Variants in RTTN observed in about 807,000 individuals in gnomAD.
RTTN encodes the protein rotatin.
A neutral mutation model predicts 269.2 loss-of-function variants in RTTN; 182 were observed. The observed-to-expected ratio is 0.68, with a 90% confidence interval of 0.60 to 0.76. RTTN has a LOEUF of 0.76. RTTN is among the 30% of genes least tolerant of loss of function. RTTN has a pLI of 0.00. For synonymous variants in RTTN, 1,006 were observed against 963.5 expected, an observed-to-expected ratio of 1.04 and a Z score of -0.82; for missense variants, 2,545 against 2,608.6, an observed-to-expected ratio of 0.98 and a Z score of 0.53.
chr18:70,029,969 A>T (rs1356787405), intron 42 of RTTN, 43 bp downstream of exon 42: 1 of 1,390,324 alleles, frequency 7.2e-7, no homozygotes, highest in South Asian at 1.2e-5. Flanking sequence ...AGGACTGGAG[A>T]ATGGTCTCTA....
At chr18:70,187,465 T>C (rs749883771) in intron 10 of RTTN, among the ~76,000 whole-genome samples, 3 of 152,070 alleles carry the variant, frequency 2.0e-5, no homozygotes, top group Non-Finnish European at 4.4e-5. Flanking sequence ...GAGAGAGGCA[T>C]CTCTGAGCTA....
intron 26 of RTTN, among the ~76,000 whole-genome samples, chr18:70,115,913 T>C (rs1283372927): frequency 1.3e-5 from 2 of 152,020 alleles, no homozygotes; most frequent in African/African-American, 2.4e-5. Flanking sequence ...ATAATATAAC[T>C]GAGAGCTTTT....
At chr18:70,064,687 G>A (rs1406451595) in intron 35 of RTTN, among the ~76,000 whole-genome samples, 1 of 152,174 alleles carries the variant, frequency 6.6e-6, no homozygotes, top group African/African-American at 2.4e-5. Flanking sequence ...CAAGAATGGG[G>A]GAGACAGGGA....
In RTTN at chr18:70,030,233, T is replaced by C. The variant is rs116226189; in HGVS notation, c.5648-124A>G. 2.1e-3 allele frequency: 1,331 copies of C among 622,858 alleles called. 14 individuals are homozygous for C. The African/African-American group carries it at 0.023, about 11-fold the overall frequency. The allele number at this position is 622,858 out of a possible 1,614,324, so 38.6% of individuals were successfully genotyped here. ...ATTTCTGACCCACTTCATTTTAGAA[T>C]TTTCAGTCAGAGATTAATGAATCAG... On this transcript the variant is annotated intron_variant, in intron 41 of 48. Coordinates refer to ENST00000640769, the MANE Select transcript of RTTN (RefSeq NM_173630.4).
At chr18:70,011,636 T>C (rs1001210249) in intron 46 of RTTN, among the ~76,000 whole-genome samples, 5 of 152,356 alleles carry the variant, frequency 3.3e-5, no homozygotes, top group Middle Eastern at 6.8e-3. Context: ...AATATCACAC[T>C]GAATGGGCAA....
At chr18:70,199,553 C>T in intron 4 of RTTN, 49 bp from the exon 5 acceptor site, 2 of 1,270,318 alleles carry the variant, frequency 1.6e-6, no homozygotes, top group South Asian at 1.2e-5. Flanking sequence ...AAAGAGATGA[C>T]AGATTCACAA....
chr18:70,086,488 T>C, intron 32 of RTTN, 125 bp downstream of exon 32: 1 of 812,502 alleles, frequency 1.2e-6, no homozygotes, highest in South Asian at 1.6e-5. Context: ...TACGTTCTAT[T>C]TTAAGAGGCC....
At chr18:70,016,948 C>T (rs529619254) in intron 46 of RTTN, among the ~76,000 whole-genome samples, 19 of 151,908 alleles carry the variant, frequency 1.3e-4, no homozygotes, top group African/African-American at 3.9e-4. Flanking sequence ...GATAATACTA[C>T]GGAGGGAAAC....
intron 19 of RTTN, 84 bp downstream of exon 19, chr18:70,142,204 G>T: frequency 1.2e-6 from 1 of 855,426 alleles, no homozygotes; most frequent in East Asian, 2.5e-5. Context: ...ATAAACCATA[G>T]TTGCCAACTC....
intron 4 of RTTN, among the ~76,000 whole-genome samples, chr18:70,201,563 C>G (rs1325651101): frequency 2.1e-5 from 3 of 140,218 alleles, no homozygotes; most frequent in Non-Finnish European, 3.1e-5. Flanking sequence ...AGCCGAGATC[C>G]CACCACTGCA....
intron 44 of RTTN, among the ~76,000 whole-genome samples, chr18:70,021,473 G>A (rs2056703086): frequency 6.6e-6 from 1 of 152,192 alleles, no homozygotes; most frequent in Non-Finnish European, 1.5e-5. Context: ...TAATTGACTT[G>A]TGAAAGTTCA....
chr18:70,140,021 A>T, intron 20 of RTTN, 79 bp downstream of exon 20: 1 of 968,380 alleles, frequency 1.0e-6, no homozygotes. Context: ...GTACTCATCC[A>T]AATTCTGCTC....
chr18:70,174,004 G>C (rs990417454), intron 11 of RTTN, among the ~76,000 whole-genome samples: 2 of 152,074 alleles, frequency 1.3e-5, no homozygotes, highest in African/African-American at 2.4e-5. Flanking sequence ...GGAGAAGGAG[G>C]GAGAGGTAAC....
intron 28 of RTTN, among the ~76,000 whole-genome samples, chr18:70,099,734 A>C (rs573612149): frequency 6.6e-6 from 1 of 152,164 alleles, no homozygotes; most frequent in Non-Finnish European, 1.5e-5. Context: ...TAAGTCTTTA[A>C]TCCATCTTGA....
At chr18:70,067,285 G>A (rs12956411) in intron 34 of RTTN, among the ~76,000 whole-genome samples, 101,471 of 144,338 alleles carry the variant, frequency 0.7, 41,584 homozygotes, top group East Asian at 0.99. Flanking sequence ...TCAGCCTCCC[G>A]AGTAGCTGGG....
intron 43 of RTTN, among the ~76,000 whole-genome samples, chr18:70,026,512 G>T (rs949188832): frequency 1.6e-4 from 25 of 152,064 alleles, no homozygotes; most frequent in African/African-American, 6.0e-4. Context: ...TTCTTGTCAT[G>T]ATTGGAAGTT....
chr18:70,040,600 T>G (rs1003425156), intron 40 of RTTN, among the ~76,000 whole-genome samples: 1 of 152,230 alleles, frequency 6.6e-6, no homozygotes, highest in South Asian at 2.1e-4. Flanking sequence ...ACACTGGATT[T>G]AATCTGCACT....
At chr18:70,076,320 GA>G (rs1714614916) in intron 32 of RTTN, among the ~76,000 whole-genome samples, 1 of 151,952 alleles carries the variant, frequency 6.6e-6, no homozygotes, top group Admixed American at 6.6e-5. Flanking sequence ...GGCCATAAGA[GA>G]GAGAAAAATA....
rs912926672 is a variant in RTTN at position 70,005,376 on chromosome 18, A to G, written c.6526-109T>C. The G allele has an allele frequency of 4.7e-6, 3 of 633,422 alleles. No homozygotes were observed. In the Admixed American group the frequency reaches 9.4e-5, roughly 20 times the overall value. 39.2% of individuals were successfully genotyped at this position (633,422 alleles called of 1,614,324 possible). A position where few individuals can be genotyped will look rare whatever the true frequency, so the allele number is the denominator to read the frequency against. ...AGTATTAAACAGAATATTATGAAAT[A>G]TAATAATATAACTAGAGAGTTCCAT... On this transcript the variant is annotated intron_variant, in intron 47 of 48. Coordinates refer to ENST00000640769, the MANE Select transcript of RTTN (RefSeq NM_173630.4).
Sources: gnomAD v4.1 joint callset for allele counts (sites outside exome capture counted in the v4.1 genomes callset) on GRCh38, gnomAD v4.1.1 for gene constraint, MANE v1.5 for transcripts, NCBI Gene and HGNC (gene_info 2026-07-23, HGNC 2026-07-21) for gene names.